CHST11: variants seen among roughly 807,000 people sequenced by gnomAD.
CHST11 encodes the protein C4S-1.
CHST11 carries 9 observed loss-of-function variants against 30.4 expected under a neutral mutation model. That is an observed-to-expected ratio of 0.30 (90% CI 0.18 to 0.52). The LOEUF (loss-of-function observed/expected upper bound fraction) is 0.52, where lower values mean the gene tolerates loss of function less well. Among genes scored for constraint, CHST11 ranks in the 20% least tolerant of loss-of-function variants. The pLI, the probability that CHST11 is intolerant of heterozygous loss-of-function variation, is 0.97. For synonymous variants in CHST11, 152 were observed against 187.8 expected (o/e 0.81, Z 1.56); for missense variants, 348 against 460.6 (o/e 0.76, Z 2.24).
At chr12:104,506,947 G>A (rs2037912774) in intron 1 of CHST11, among the ~76,000 whole-genome samples, 1 of 152,152 alleles carries the variant, frequency 6.6e-6, no homozygotes, top group Non-Finnish European at 1.5e-5. Context: ...GGGAGGTGAT[G>A]GAAGGTGGGA....
intron 2 of CHST11, among the ~76,000 whole-genome samples, chr12:104,750,428 C>CCTTTTTTTTTTTT (rs1420945578): frequency 8.2e-5 from 4 of 48,828 alleles, no homozygotes; most frequent in Admixed American, 3.2e-4. Context: ...TATTTCTGCA[C>CCTTTTTTTTTTTT]TTTTTTTTTT....
chr12:104,745,025 C>A (rs2040379624), intron 2 of CHST11, among the ~76,000 whole-genome samples: 2 of 152,102 alleles, frequency 1.3e-5, no homozygotes, highest in African/African-American at 4.8e-5. Flanking sequence ...AGGTGCCCAC[C>A]ATCATGCCTG....
At chr12:104,663,481 G>A (rs1418273352) in intron 2 of CHST11, among the ~76,000 whole-genome samples, 1 of 151,982 alleles carries the variant, frequency 6.6e-6, no homozygotes, top group East Asian at 1.9e-4. Flanking sequence ...TATCTTTCCA[G>A]ACTTTTTCTC....
At chr12:104,634,864 G>A (rs182213925) in intron 2 of CHST11, among the ~76,000 whole-genome samples, 2 of 152,128 alleles carry the variant, frequency 1.3e-5, no homozygotes, top group African/African-American at 4.8e-5. Flanking sequence ...TCAACAATAT[G>A]CATTTGCTCC....
intron 2 of CHST11, among the ~76,000 whole-genome samples, chr12:104,685,712 C>T (rs1592838304): frequency 2.0e-5 from 3 of 152,104 alleles, no homozygotes; most frequent in Non-Finnish European, 4.4e-5. Flanking sequence ...ATGGTTGAGC[C>T]GGTGAAGAAT....
intron 1 of CHST11, among the ~76,000 whole-genome samples, chr12:104,465,693 G>A (rs1008498978): frequency 4.6e-5 from 7 of 152,012 alleles, no homozygotes; most frequent in African/African-American, 1.7e-4. Flanking sequence ...TTTCCACCTC[G>A]GTCACCACCC....
intron 2 of CHST11, among the ~76,000 whole-genome samples, chr12:104,663,674 A>T (rs1236411036): frequency 6.6e-6 from 1 of 152,126 alleles, no homozygotes; most frequent in Non-Finnish European, 1.5e-5. Context: ...TCTTACTAGG[A>T]ATGGTTTGCC....
chr12:104,607,178 G>A (rs2039013747), intron 2 of CHST11, among the ~76,000 whole-genome samples: 3 of 152,226 alleles, frequency 2.0e-5, no homozygotes, highest in Admixed American at 2.0e-4. Context: ...GGCTGGAGCT[G>A]TCAGAGAAGG....
chr12:104,561,771 C>T (rs1264115431), intron 1 of CHST11, among the ~76,000 whole-genome samples: 2 of 150,702 alleles, frequency 1.3e-5, no homozygotes, highest in Non-Finnish European at 2.9e-5. Flanking sequence ...GGTCTTACTG[C>T]GTAGGTCCCA....
chr12:104,464,067 C>CT (rs35504512), intron 1 of CHST11, among the ~76,000 whole-genome samples: 17,556 of 134,958 alleles, frequency 0.13, 1,772 homozygotes, highest in African/African-American at 0.27. Context: ...CCTACTTGCA[C>CT]TTTTTTTTTT....
At chr12:104,596,760 A>G (rs1018061004) in intron 1 of CHST11, among the ~76,000 whole-genome samples, 1 of 152,170 alleles carries the variant, frequency 6.6e-6, no homozygotes, top group African/African-American at 2.4e-5. Flanking sequence ...CATCAGATAC[A>G]TGGTACATTC....
intron 1 of CHST11, among the ~76,000 whole-genome samples, chr12:104,460,663 CAAAAAA>C (rs10570106): frequency 1.6e-5 from 2 of 124,472 alleles, no homozygotes; most frequent in Admixed American, 8.0e-5. Flanking sequence ...AACTGTGTCT[CAAAAAA>C]AAAAAAAAAA....
intron 2 of CHST11, among the ~76,000 whole-genome samples, chr12:104,712,792 C>G (rs1173005506): frequency 6.6e-6 from 1 of 152,154 alleles, no homozygotes; most frequent in Admixed American, 6.5e-5. Flanking sequence ...TTCTCCTGGG[C>G]TGAATGAATG....
At chr12:104,492,295 A>C (rs2037755352) in intron 1 of CHST11, among the ~76,000 whole-genome samples, 1 of 152,046 alleles carries the variant, frequency 6.6e-6, no homozygotes, top group Admixed American at 6.5e-5. Context: ...ATGGGGTTTC[A>C]CTGTGTTAGC....
At chr12:104,688,067 G>A (rs1206433549) in intron 2 of CHST11, among the ~76,000 whole-genome samples, 3 of 152,158 alleles carry the variant, frequency 2.0e-5, no homozygotes, top group African/African-American at 4.8e-5. Context: ...CTTAGAAAAC[G>A]CAAAGATGTG....
intron 1 of CHST11, among the ~76,000 whole-genome samples, chr12:104,560,511 C>T (rs1377454723): frequency 6.6e-6 from 1 of 152,054 alleles, no homozygotes; most frequent in Non-Finnish European, 1.5e-5. Context: ...CGGGAAGCAT[C>T]TTGAGATAGG....
chr12:104,658,900 T>C (rs895435188), intron 2 of CHST11, among the ~76,000 whole-genome samples: 1 of 152,270 alleles, frequency 6.6e-6, no homozygotes, highest in Admixed American at 6.5e-5. Context: ...AGAGATTTAG[T>C]AACTTGCCCA....
chr12:104,697,747 G>A (rs1300217952), intron 2 of CHST11, among the ~76,000 whole-genome samples: 1 of 152,184 alleles, frequency 6.6e-6, no homozygotes, highest in African/African-American at 2.4e-5. Flanking sequence ...GGCATGACCT[G>A]CCCATGAAAA....
intron 1 of CHST11, among the ~76,000 whole-genome samples, chr12:104,484,485 G>C (rs2037657384): frequency 2.0e-5 from 3 of 152,200 alleles, no homozygotes; most frequent in Non-Finnish European, 4.4e-5. Context: ...TCACACCTGA[G>C]ATATGGAGGT....
Sources: allele counts gnomAD v4.1 joint callset (sites outside exome capture counted in the v4.1 genomes callset), GRCh38; gene constraint gnomAD v4.1.1; transcripts MANE v1.5; gene names NCBI Gene and HGNC (gene_info 2026-07-23, HGNC 2026-07-21).